Variants in PTPRT observed in about 807,000 individuals in gnomAD.
The protein encoded by PTPRT is protein tyrosine phosphatase receptor type T, also known as receptor-type tyrosine-protein phosphatase T.
A neutral mutation model predicts 176.8 loss-of-function variants in PTPRT; 56 were observed. The observed-to-expected ratio is 0.32, with a 90% CI of 0.26 to 0.40. The LOEUF is 0.40. Among genes scored for constraint, PTPRT ranks in the 10% least tolerant of loss-of-function variants. The pLI is 1.00. For synonymous variants in PTPRT, 783 were observed against 739.0 expected (o/e 1.06, Z -0.96); for missense variants, 1,540 against 1,908.2 (o/e 0.81, Z 3.60).
At chr20:42,578,211 C>T (rs917733994) in intron 7 of PTPRT, among the ~76,000 whole-genome samples, 1 of 152,062 alleles carries the variant, frequency 6.6e-6, no homozygotes, top group Non-Finnish European at 1.5e-5. Flanking sequence ...TGATCCCTGG[C>T]CTTTCTGGAA....
intron 6 of PTPRT, 91 bp from the exon 7 acceptor site, chr20:42,678,250 A>T: frequency 8.1e-7 from 1 of 1,231,770 alleles, no homozygotes; most frequent in African/African-American, 1.5e-5. Context: ...AGAATTCTTG[A>T]TGTAGCCACA....
intron 17 of PTPRT, among the ~76,000 whole-genome samples, chr20:42,160,324 T>C (rs1252600494): frequency 3.3e-5 from 5 of 152,022 alleles, no homozygotes; most frequent in Non-Finnish European, 7.4e-5. Context: ...ACCAGGAGAG[T>C]TGCAGAATTA....
chr20:42,440,434 C>A (rs1287267630), intron 9 of PTPRT, among the ~76,000 whole-genome samples: 5 of 151,538 alleles, frequency 3.3e-5, no homozygotes, highest in African/African-American at 1.2e-4. Flanking sequence ...GTCCTCAGGA[C>A]ACACTGAAAG....
intron 2 of PTPRT, among the ~76,000 whole-genome samples, chr20:42,861,874 CA>C (rs11441297): frequency 1.3e-5 from 2 of 148,458 alleles, no homozygotes; most frequent in South Asian, 2.2e-4. Flanking sequence ...AACAAAAAAC[CA>C]AAAAAAAACA....
At chr20:42,889,372 C>T (rs1178209372) in intron 1 of PTPRT, among the ~76,000 whole-genome samples, 1 of 152,236 alleles carries the variant, frequency 6.6e-6, no homozygotes, top group Non-Finnish European at 1.5e-5. Flanking sequence ...CCTCTCTTTG[C>T]CTCTGCAGAA....
At chr20:42,617,330 A>C (rs1164801320) in intron 7 of PTPRT, among the ~76,000 whole-genome samples, 1 of 136,490 alleles carries the variant, frequency 7.3e-6, no homozygotes, top group Admixed American at 7.0e-5. Flanking sequence ...GTGCTGCTGG[A>C]TTCGGTTTGC....
chr20:42,445,459 A>G (rs2059354008), intron 9 of PTPRT, among the ~76,000 whole-genome samples: 1 of 152,172 alleles, frequency 6.6e-6, no homozygotes, highest in Admixed American at 6.5e-5. Flanking sequence ...ATTCAGATCT[A>G]GGCTATATAG....
chr20:42,843,654 C>T lies in PTPRT; in HGVS notation c.214+42153G>A, dbSNP rs181258495. ...GAGCAGAAAGATTTGGGGCAGAGCA[C>T]TCCCTCAGGTATACAAAGAACAGGG... On this transcript the variant is annotated intron_variant, in intron 2 of 30. Transcript: ENST00000373187. 2.0e-3 allele frequency among the ~76,000 whole-genome samples: 306 copies of T among 152,356 alleles called. 1 individual carries two copies. Among genetic ancestry groups the T allele is most frequent in the African/African-American group, 7.2e-3 (298 of 41,586 alleles).
At position 42,617,390 on chromosome 20, in the gene PTPRT, C is replaced by A. The variant is rs1388216027; in HGVS notation, c.1153+60476G>T. Among the ~76,000 whole-genome samples, 2 of 131,222 alleles carry A rather than the reference C, an allele frequency of 1.5e-5. 1 individual carries two copies. Among genetic ancestry groups the A allele is most frequent in the African/African-American group, 7.0e-5 (2 of 28,422 alleles). The allele number at this position is 131,222 out of a possible 152,430, so 86.1% of individuals were successfully genotyped here. Reference sequence around the variant, plus strand: ...CTCAATGTTCATCAAGGATATTGGTCTAAAATTCTCTTTTTTGGTTGTGTC... The same window carrying A: ...CTCAATGTTCATCAAGGATATTGGTATAAAATTCTCTTTTTTGGTTGTGTC... On this transcript the variant is annotated intron_variant, in intron 7 of 30. Transcript: ENST00000373187.
At chr20:42,304,421 C>T (rs1320315846) in intron 12 of PTPRT, among the ~76,000 whole-genome samples, 2 of 152,036 alleles carry the variant, frequency 1.3e-5, no homozygotes, top group Non-Finnish European at 2.9e-5. Context: ...ATGCCAAGCC[C>T]CGTGATAAGT....
At chr20:42,466,178 C>T (rs946717894) in intron 8 of PTPRT, among the ~76,000 whole-genome samples, 12 of 152,198 alleles carry the variant, frequency 7.9e-5, no homozygotes, top group African/African-American at 2.9e-4. Context: ...TGGGTTGACT[C>T]CATGTCTTTG....
chr20:42,957,329 T>G (rs1169336097), intron 1 of PTPRT, among the ~76,000 whole-genome samples: 1 of 152,148 alleles, frequency 6.6e-6, no homozygotes, highest in Non-Finnish European at 1.5e-5. Flanking sequence ...AAAACAGATT[T>G]CCTGCATATG....
chr20:42,640,307 T>G (rs915978503), intron 7 of PTPRT, among the ~76,000 whole-genome samples: 34 of 152,290 alleles, frequency 2.2e-4, no homozygotes, highest in Non-Finnish European at 4.4e-5. Context: ...TTTAGTCACA[T>G]TGTTTGGTAT....
chr20:42,215,623 G>C (rs945847755), intron 15 of PTPRT, among the ~76,000 whole-genome samples: 2 of 89,920 alleles, frequency 2.2e-5, no homozygotes, highest in Non-Finnish European at 5.9e-5. Context: ...CTGCTCATAC[G>C]ACCCGAAACC....
intron 4 of PTPRT, among the ~76,000 whole-genome samples, chr20:42,779,524 C>G (rs1482093665): frequency 6.6e-6 from 1 of 152,194 alleles, no homozygotes; most frequent in Non-Finnish European, 1.5e-5. Context: ...CCAAATGTCA[C>G]TGGGTATGAT....
chr20:42,103,819 A>G (rs570396332), intron 25 of PTPRT, among the ~76,000 whole-genome samples: 17 of 152,330 alleles, frequency 1.1e-4, no homozygotes, highest in African/African-American at 3.9e-4. Context: ...CTAGAACTGA[A>G]TAAGACCTCA....
intron 9 of PTPRT, among the ~76,000 whole-genome samples, chr20:42,386,911 T>C (rs560532917): frequency 2.4e-4 from 37 of 152,154 alleles, no homozygotes; most frequent in African/African-American, 8.9e-4. Context: ...TATGAGAAAA[T>C]TGAAGCTGTT....
chr20:43,086,559 T>C (rs965260251), intron 1 of PTPRT, among the ~76,000 whole-genome samples: 5 of 152,166 alleles, frequency 3.3e-5, no homozygotes, highest in Admixed American at 2.0e-4. Context: ...CACTCAGTAA[T>C]AGGGAGTCAT....
chr20:42,458,506 G>C (rs1216781709), intron 8 of PTPRT, among the ~76,000 whole-genome samples: 1 of 152,114 alleles, frequency 6.6e-6, no homozygotes, highest in South Asian at 2.1e-4. Context: ...TACACAAAGT[G>C]CTTACCTAGG....
Sources: allele counts gnomAD v4.1 joint callset (sites outside exome capture counted in the v4.1 genomes callset), GRCh38; gene constraint gnomAD v4.1.1; transcripts MANE v1.5; gene names NCBI Gene and HGNC (gene_info 2026-07-23, HGNC 2026-07-21).